The following MED27 variants were observed in gnomAD, a reference collection of about 807,000 sequenced individuals.
MED27 encodes mediator of RNA polymerase II transcription subunit 27.
A neutral mutation model predicts 38.2 loss-of-function variants in MED27; 30 were observed. The ratio of observed to expected loss-of-function variants is 0.79; its 90% CI spans 0.59 to 1.07. MED27 has a LOEUF of 1.07. Ranked by LOEUF, MED27 falls within the 50% of genes least tolerant of loss-of-function variation. MED27 has a pLI of 0.00. For synonymous variants in MED27, 122 were observed against 153.5 expected (o/e 0.79, Z 1.52); for missense variants, 289 against 397.5 (o/e 0.73, Z 2.32).
intron 6 of MED27, among the ~76,000 whole-genome samples, chr9:131,876,040 G>A (rs372024010): frequency 1.5e-3 from 228 of 152,348 alleles, no homozygotes; most frequent in African/African-American, 5.3e-3. Context: ...TGGGATGGTC[G>A]CTGTGGGGAA....
chr9:131,904,614 C>T (rs924588313), intron 4 of MED27, among the ~76,000 whole-genome samples: 17 of 152,050 alleles, frequency 1.1e-4, no homozygotes, highest in East Asian at 1.9e-4. Flanking sequence ...CTGCCTTGAC[C>T]GCCCAAAGTG....
At chr9:131,963,300 T>C (rs1480240191) in intron 3 of MED27, among the ~76,000 whole-genome samples, 1 of 152,118 alleles carries the variant, frequency 6.6e-6, no homozygotes, top group African/African-American at 2.4e-5. Flanking sequence ...AAAGACCCCC[T>C]GAGGTTAGCA....
At chr9:131,932,668 T>C (rs941295740) in intron 4 of MED27, among the ~76,000 whole-genome samples, 2 of 152,080 alleles carry the variant, frequency 1.3e-5, no homozygotes, top group Non-Finnish European at 2.9e-5. Flanking sequence ...AAGGCTTCAC[T>C]GCTGAATTCT....
chr9:132,057,879 A>G (rs1312541117), intron 2 of MED27, among the ~76,000 whole-genome samples: 1 of 152,224 alleles, frequency 6.6e-6, no homozygotes, highest in Non-Finnish European at 1.5e-5. Context: ...GCATGCACCA[A>G]CAATCCCAGT....
chr9:131,908,595 T>C (rs1270376687), intron 4 of MED27, among the ~76,000 whole-genome samples: 1 of 152,226 alleles, frequency 6.6e-6, no homozygotes, highest in Non-Finnish European at 1.5e-5. Context: ...CAGTGCTCTC[T>C]GAAACATGTG....
chr9:132,010,428 T>C (rs952958157), intron 3 of MED27, among the ~76,000 whole-genome samples: 2 of 152,226 alleles, frequency 1.3e-5, no homozygotes, highest in African/African-American at 2.4e-5. Flanking sequence ...TTTTACACTG[T>C]TGGTGGGACT....
chr9:131,892,988 A>C (rs1839253867), intron 5 of MED27, among the ~76,000 whole-genome samples: 1 of 152,210 alleles, frequency 6.6e-6, no homozygotes, highest in Non-Finnish European at 1.5e-5. Context: ...TTCAAAACAC[A>C]CATCTCATTA....
chr9:131,958,321 T>A (rs1356401139), intron 3 of MED27, among the ~76,000 whole-genome samples: 1 of 150,876 alleles, frequency 6.6e-6, no homozygotes, highest in Non-Finnish European at 1.5e-5. Context: ...CTCAGCTCAC[T>A]GCACACCTCC....
Position 131,943,035 on chromosome 9 carries a change from C to T in MED27, c.480-3561G>A, listed in dbSNP as rs62581861. 5.6e-3 allele frequency among the ~76,000 whole-genome samples: 854 copies of T among 152,232 alleles called. 7 individuals are homozygous for T. The highest frequency in any genetic ancestry group is 8.8e-3 in the Non-Finnish European group (600 of 68,024). On this transcript the variant is annotated intron_variant, in intron 3 of 7. Transcript: ENST00000292035. ...TTGTTTTGTTGTTTCTTCCCCAACC[C>T]GTGACCTCAGACAAAGCTCAGCAAA...
At chr9:131,976,771 A>G (rs1191469655) in intron 3 of MED27, among the ~76,000 whole-genome samples, 1 of 152,248 alleles carries the variant, frequency 6.6e-6, no homozygotes, top group Non-Finnish European at 1.5e-5. Flanking sequence ...CTACCAAAAG[A>G]CATCCAACCA....
chr9:131,951,367 G>T (rs1461143601), intron 3 of MED27, among the ~76,000 whole-genome samples: 1 of 152,178 alleles, frequency 6.6e-6, no homozygotes, highest in Non-Finnish European at 1.5e-5. Context: ...ACTCCACAGG[G>T]GGAAGGCACA....
At chr9:131,959,840 T>G (rs993354697) in intron 3 of MED27, among the ~76,000 whole-genome samples, 1 of 152,214 alleles carries the variant, frequency 6.6e-6, no homozygotes, top group Non-Finnish European at 1.5e-5. Flanking sequence ...CAAGTACCAT[T>G]CTGGCATAAA....
chr9:131,911,326 G>A (rs896240820), intron 4 of MED27, among the ~76,000 whole-genome samples: 1 of 152,218 alleles, frequency 6.6e-6, no homozygotes, highest in African/African-American at 2.4e-5. Flanking sequence ...CAGAATGCTG[G>A]TGCTTCAGAT....
intron 3 of MED27, among the ~76,000 whole-genome samples, chr9:131,974,818 T>A (rs545032045): frequency 3.9e-5 from 6 of 152,366 alleles, no homozygotes; most frequent in Non-Finnish European, 7.3e-5. Flanking sequence ...TGTATTCCAG[T>A]GAGTATCCTC....
At chr9:131,876,470 C>T (rs770349334) in intron 6 of MED27, among the ~76,000 whole-genome samples, 2 of 152,098 alleles carry the variant, frequency 1.3e-5, no homozygotes, top group African/African-American at 2.4e-5. Flanking sequence ...GGTACTGGGG[C>T]GGCGTAAGAG....
At chr9:131,902,493 A>G (rs1020891642) in intron 4 of MED27, among the ~76,000 whole-genome samples, 2 of 152,178 alleles carry the variant, frequency 1.3e-5, no homozygotes, top group African/African-American at 4.8e-5. Context: ...GGCCACCAGG[A>G]CTGTATCGAG....
chr9:132,012,719 C>T (rs1832509467), intron 3 of MED27, among the ~76,000 whole-genome samples: 1 of 152,104 alleles, frequency 6.6e-6, no homozygotes. Context: ...TCTGTAGTCC[C>T]TTCCTAGCAC....
At chr9:131,911,536 G>A (rs1311216375) in intron 4 of MED27, among the ~76,000 whole-genome samples, 2 of 152,164 alleles carry the variant, frequency 1.3e-5, no homozygotes, top group Non-Finnish European at 2.9e-5. Context: ...ATAATGGCCA[G>A]GAACATTTGC....
chr9:131,898,237 T>C (rs527573746), intron 4 of MED27, among the ~76,000 whole-genome samples: 1 of 152,222 alleles, frequency 6.6e-6, no homozygotes, highest in African/African-American at 2.4e-5. Flanking sequence ...TCAATTCTTA[T>C]TTATTTATTA....
Sources: gnomAD v4.1 joint callset for allele counts (sites outside exome capture counted in the v4.1 genomes callset) on GRCh38, gnomAD v4.1.1 for gene constraint, MANE v1.5 for transcripts, NCBI Gene and HGNC (gene_info 2026-07-23, HGNC 2026-07-21) for gene names.